CELF6: variants seen among roughly 807,000 people sequenced by gnomAD.
CELF6 encodes the protein Bruno -like 6, RNA binding protein.
Under a neutral mutation model 53.1 loss-of-function variants are expected in CELF6, and 32 were observed. The ratio of observed to expected loss-of-function variants is 0.60; its 90% CI spans 0.46 to 0.81. The LOEUF (loss-of-function observed/expected upper bound fraction) is 0.81. CELF6 is among the 30% of genes least tolerant of loss of function. The pLI, the probability that CELF6 is intolerant of heterozygous loss-of-function variation, is 0.00. For synonymous variants in CELF6, 291 were observed against 288.8 expected (o/e 1.01, Z -0.08); for missense variants, 539 against 669.5 (o/e 0.81, Z 2.15).
chr15:72,292,408 G>A (rs563794246), intron 3 of CELF6: 1 of 618,648 alleles, frequency 1.6e-6, no homozygotes, highest in Admixed American at 3.0e-5. Flanking sequence ...GGCTGCAGAA[G>A]GCCTGGGAGA....
At chr15:72,297,576 G>T (rs2088097106) in intron 3 of CELF6, among the ~76,000 whole-genome samples, 1 of 152,198 alleles carries the variant, frequency 6.6e-6, no homozygotes, top group South Asian at 2.1e-4. Context: ...TAAAAAGGAA[G>T]GAAATTCTGA....
intron 3 of CELF6, among the ~76,000 whole-genome samples, chr15:72,303,926 C>T (rs1352170224): frequency 5.3e-5 from 8 of 152,000 alleles, no homozygotes; most frequent in African/African-American, 1.7e-4. Context: ...GGCGTGATCT[C>T]GGCTCACTAC....
chr15:72,296,887 T>C (rs539019798), intron 3 of CELF6, among the ~76,000 whole-genome samples: 3 of 152,312 alleles, frequency 2.0e-5, no homozygotes, highest in African/African-American at 2.4e-5. Context: ...GAAAGCAGTA[T>C]GGCAGTTCTT....
chr15:72,307,968 G>A (rs890012003), intron 2 of CELF6, among the ~76,000 whole-genome samples: 4 of 151,614 alleles, frequency 2.6e-5, no homozygotes, highest in Non-Finnish European at 5.9e-5. Context: ...GCTAGGGTAC[G>A]GACAGGGAGC....
intron 3 of CELF6, among the ~76,000 whole-genome samples, chr15:72,295,212 G>C (rs1233419460): frequency 6.6e-6 from 1 of 151,468 alleles, no homozygotes; most frequent in African/African-American, 2.4e-5. Flanking sequence ...GCAAGCACCT[G>C]TAATCCCAGC....
intron 2 of CELF6, 59 bp from the exon 3 acceptor site, chr15:72,304,853 A>G: frequency 6.5e-7 from 1 of 1,549,300 alleles, no homozygotes; most frequent in Non-Finnish European, 8.9e-7. Context: ...TGGAGCCCCC[A>G]GCTTCTCGAA....
chr15:72,288,347 CTT>C lies in CELF6; in HGVS notation c.1277_1278del (p.Lys426SerfsTer17). 1 of 1,614,222 alleles carries C rather than the reference CTT, an allele frequency of 6.2e-7. No homozygotes were observed. The highest frequency in any genetic ancestry group is 8.5e-7 in the Non-Finnish European group (1 of 1,180,046). ...TGGTTGGTGGCTCGATCCACAAAGA[CTT>C]TAGCAGAGACAACGGCTCCAAAGGG... ...FLPFGAVVSAKVFVDRATNQS... is the reference protein window; with the variant it reads ...FLPFGAVVSAXVFVDRATNQS... On this transcript the variant is annotated frameshift_variant, in exon 11 of 13. Coordinates refer to ENST00000287202, the MANE Select transcript of CELF6 (RefSeq NM_052840.5). LOFTEE classifies it high-confidence loss of function. This position sits in a 1 kb window ranked among gnomAD's most constrained non-coding sequence, Gnocchi z 4.6.
intron 3 of CELF6, among the ~76,000 whole-genome samples, chr15:72,293,696 T>TTTTTAAATGC (rs1491502296): frequency 5.0e-5 from 1 of 19,862 alleles, no homozygotes; most frequent in African/African-American, 5.4e-5. Context: ...TATCAAATGC[T>TTTTTAAATGC]TTTTTTTTTT....
At chr15:72,292,210 G>A in intron 3 of CELF6, 2 of 1,535,134 alleles carry the variant, frequency 1.3e-6, no homozygotes, top group Non-Finnish European at 1.7e-6. Flanking sequence ...AGAAGATAGA[G>A]AACAGAGTTC....
At chr15:72,314,589 G>GTTTTTTTTTTTGTTTT (rs2088337684) in intron 2 of CELF6, among the ~76,000 whole-genome samples, 7 of 97,858 alleles carry the variant, frequency 7.2e-5, no homozygotes, top group African/African-American at 3.4e-4. Context: ...AAAACCCAGT[G>GTTTTTTTTTTTGTTTT]TTTTTTTTTT....
chr15:72,290,724 G>A (rs2087994602), intron 3 of CELF6, among the ~76,000 whole-genome samples: 1 of 152,114 alleles, frequency 6.6e-6, no homozygotes, highest in Non-Finnish European at 1.5e-5. Flanking sequence ...GATAGTGCTG[G>A]CTAGAATCAA....
chr15:72,289,140 G>A lies in CELF6; in HGVS notation c.1028C>T (p.Pro343Leu). ...TLYNNGLSPY[P>L]AQSPGVADPL... ...TTTGGGCGGAGCGGGGGGCCCACCTGGATAAGGGGAGAGCCCGTTATTGTA... is the reference window on the plus strand; with the variant it reads ...TTTGGGCGGAGCGGGGGGCCCACCTAGATAAGGGGAGAGCCCGTTATTGTA... The change falls in exon 8 of 13, where the codon CCA (proline) becomes CTA (leucine). Residue 343 changes from proline (P) to leucine (L), a missense_variant and splice_region_variant. Around this residue, in one of 3 missense-constraint regions of CELF6, gnomAD observed 358 missense variants for 412.8 expected, o/e 0.87. Transcript: ENST00000287202. The surrounding 1 kb of genome is among the most constrained non-coding windows in gnomAD (Gnocchi z 7.6). The A allele has an allele frequency of 6.5e-7, 1 of 1,530,444 alleles. No homozygotes were observed. Among genetic ancestry groups the A allele is most frequent in the Non-Finnish European group, 8.7e-7 (1 of 1,147,004 alleles). The allele number at this position is 1,530,444 out of a possible 1,614,324, so 94.8% of individuals were successfully genotyped here. A position where few individuals can be genotyped will look rare whatever the true frequency, so the allele number is the denominator to read the frequency against.
chr15:72,297,710 A>C (rs1236797550), intron 3 of CELF6, among the ~76,000 whole-genome samples: 1 of 152,214 alleles, frequency 6.6e-6, no homozygotes, highest in Non-Finnish European at 1.5e-5. Flanking sequence ...CACAGAAATA[A>C]ATAGAATGAT....
intron 2 of CELF6, chr15:72,306,320 A>G (rs946574447): frequency 3.0e-6 from 3 of 985,120 alleles, no homozygotes; most frequent in Middle Eastern, 5.2e-4. Flanking sequence ...ACTGATGCCC[A>G]TCTGGCCTGA....
Position 72,289,772 on chromosome 15 carries a change from T to TGGGCA in CELF6, c.604-7_604-3dup. On this transcript the variant is annotated splice_region_variant and splice_polypyrimidine_tract_variant and intron_variant, in intron 5 of 12. Coordinates refer to ENST00000287202, the MANE Select transcript of CELF6 (RefSeq NM_052840.5). The surrounding 1 kb of genome is among the most constrained non-coding windows in gnomAD (Gnocchi z 7.6). ...GACCACGAGGCTGGACGAGGCGCCC[T>TGGGCA]GGGCAGGGCAGGGGAGGCCGTGGTG... 2.1e-6 allele frequency: 3 copies of TGGGCA among 1,451,426 alleles called. No individual in the cohort carries two copies. Among genetic ancestry groups the TGGGCA allele is most frequent in the Non-Finnish European group, 2.7e-6 (3 of 1,108,068 alleles). The allele number at this position is 1,451,426 out of a possible 1,614,324, so 89.9% of individuals were successfully genotyped here. A position where few individuals can be genotyped will look rare whatever the true frequency, so the allele number is the denominator to read the frequency against.
chr15:72,307,982 A>C (rs1041028783), intron 2 of CELF6, among the ~76,000 whole-genome samples: 5 of 152,070 alleles, frequency 3.3e-5, no homozygotes, highest in Non-Finnish European at 5.9e-5. Context: ...AGGGAGCTGC[A>C]AGCCTGAAGG....
intron 2 of CELF6, chr15:72,306,043 A>G (rs2088225828): frequency 2.0e-6 from 2 of 980,826 alleles, no homozygotes; most frequent in Non-Finnish European, 2.4e-6. Context: ...GGGGTATTGC[A>G]TAATTTGAAA....
chr15:72,296,366 A>G (rs981388938), intron 3 of CELF6, among the ~76,000 whole-genome samples: 7 of 152,188 alleles, frequency 4.6e-5, no homozygotes, highest in African/African-American at 1.7e-4. Context: ...GTAAAAATAA[A>G]TAAATTGGAC....
At chr15:72,291,797 ATG>A (rs2088009927) in intron 3 of CELF6, among the ~76,000 whole-genome samples, 1 of 152,090 alleles carries the variant, frequency 6.6e-6, no homozygotes, top group Non-Finnish European at 1.5e-5. Context: ...GGCAGGCAAA[ATG>A]TGTTTTAGCA....
Sources: allele counts gnomAD v4.1 joint callset (sites outside exome capture counted in the v4.1 genomes callset), GRCh38; gene constraint gnomAD v4.1.1; regional missense constraint gnomAD v4.1.1; non-coding constraint Gnocchi (gnomAD v3.1); transcripts MANE v1.5; gene names NCBI Gene and HGNC (gene_info 2026-07-23, HGNC 2026-07-21).